The following YKT6 variants were observed in gnomAD, a reference collection of about 807,000 sequenced individuals.
The protein encoded by YKT6 is synaptobrevin homolog YKT6.
Under a neutral mutation model 29.3 loss-of-function variants are expected in YKT6, and 12 were observed. The observed-to-expected ratio is 0.41, with a 90% CI of 0.26 to 0.66. The LOEUF (loss-of-function observed/expected upper bound fraction) is 0.66, where lower values mean the gene tolerates loss of function less well. YKT6 is among the 30% of genes least tolerant of loss of function. YKT6 has a pLI of 0.32. For synonymous variants in YKT6, 86 were observed against 94.3 expected, an observed-to-expected ratio of 0.91 and a Z score of 0.51; for missense variants, 188 against 243.8, an observed-to-expected ratio of 0.77 and a Z score of 1.52.
intron 5 of YKT6, among the ~76,000 whole-genome samples, chr7:44,208,911 A>G (rs986725242): frequency 6.6e-6 from 1 of 152,144 alleles, no homozygotes; most frequent in African/African-American, 2.4e-5. Flanking sequence ...AGCAGCTCTC[A>G]GATCCGCCCC....
intron 1 of YKT6, among the ~76,000 whole-genome samples, chr7:44,202,915 G>C (rs1321039546): frequency 6.6e-6 from 1 of 152,106 alleles, no homozygotes; most frequent in Admixed American, 6.5e-5. Flanking sequence ...ACTTGGCTCT[G>C]ATTCTTTTTC....
At chr7:44,206,718 C>T (rs56298219) in intron 3 of YKT6, among the ~76,000 whole-genome samples, 7,438 of 152,204 alleles carry the variant, frequency 0.049, 218 homozygotes, top group Non-Finnish European at 0.064. Flanking sequence ...TGAGTCATAG[C>T]ATCTATTCTC....
In YKT6 at chr7:44,208,075, G is replaced by A. The variant is rs1583648199; in HGVS notation, c.394-58G>A. On this transcript the variant is annotated intron_variant, in intron 4 of 6. Coordinates refer to ENST00000223369, the MANE Select transcript of YKT6 (RefSeq NM_006555.4). ...GTTTGTCCAGCTTCCTCAGTTTTAG[G>A]TTTTGTTTGCAGGTAGCCACTCCAG... 3 of 1,575,666 alleles carry A rather than the reference G, an allele frequency of 1.9e-6. No homozygotes were observed. In the South Asian group the frequency reaches 3.4e-5, roughly 18 times the overall value.
chr7:44,204,676 C>T (rs2096339087), intron 2 of YKT6, 26 bp downstream of exon 2: 10 of 1,612,096 alleles, frequency 6.2e-6, no homozygotes, highest in South Asian at 4.4e-5. Flanking sequence ...AACTTCTGTG[C>T]GTGTGCTGGC....
intron 5 of YKT6, chr7:44,208,645 G>C (rs963097505): frequency 6.3e-6 from 1 of 158,108 alleles, no homozygotes; most frequent in Admixed American, 6.2e-5. Context: ...TCTGGAATAT[G>C]GGCCCAGGGT....
intron 5 of YKT6, among the ~76,000 whole-genome samples, chr7:44,209,272 A>G (rs2096344211): frequency 6.6e-6 from 1 of 152,194 alleles, no homozygotes; most frequent in South Asian, 2.1e-4. Context: ...GAGCCTGGGA[A>G]CCTGCATTTT....
chr7:44,207,675 C>G (rs2096342190), intron 4 of YKT6, among the ~76,000 whole-genome samples, 183 bp downstream of exon 4: 1 of 151,838 alleles, frequency 6.6e-6, no homozygotes, highest in Non-Finnish European at 1.5e-5. Flanking sequence ...AACCCAAGCT[C>G]TAGGCAGGCT....
rs527496713 is a variant in YKT6 at position 44,203,336 on chromosome 7, C to T, written c.105-1232C>T. ...CTCGAACTCCTGAGCTCAAGTGATC[C>T]GCCTGCCTTGGCCTCCCAAAGTGCT... On this transcript the variant is annotated intron_variant, in intron 1 of 6. Transcript: ENST00000223369. Among the ~76,000 whole-genome samples, 13 of 152,258 alleles carry T rather than the reference C, an allele frequency of 8.5e-5. No homozygotes were observed. The South Asian group carries it at 1.2e-3, about 15-fold the overall frequency.
At chr7:44,206,223 A>G (rs1335394750) in intron 2 of YKT6, among the ~76,000 whole-genome samples, 162 bp from the exon 3 acceptor site, 2 of 152,192 alleles carry the variant, frequency 1.3e-5, no homozygotes, top group East Asian at 1.9e-4. Context: ...TGTGTGGCCC[A>G]TTGGGCTGTG....
In YKT6 at chr7:44,211,371, C is replaced by T. The variant is rs373949343; in HGVS notation, c.561+247C>T. 4.9e-4 allele frequency among the ~76,000 whole-genome samples: 75 copies of T among 152,348 alleles called. 1 individual carries two copies. In the South Asian group the frequency reaches 0.015, roughly 30 times the overall value. On this transcript the variant is annotated intron_variant, in intron 6 of 6. Coordinates refer to ENST00000223369, the MANE Select transcript of YKT6 (RefSeq NM_006555.4). ...TCCACTCCTGCCTCTGCTCTGCCCT[C>T]TGCTGCTCTGGCTGATTTCTGAACT...
intron 1 of YKT6, among the ~76,000 whole-genome samples, chr7:44,203,698 C>A (rs979009888): frequency 6.6e-6 from 1 of 152,120 alleles, no homozygotes; most frequent in African/African-American, 2.4e-5. Flanking sequence ...CGTATTACCT[C>A]GTTTAACTGT....
chr7:44,205,018 C>T (rs2096339414), intron 2 of YKT6, among the ~76,000 whole-genome samples: 1 of 152,130 alleles, frequency 6.6e-6, no homozygotes. Context: ...ATTTTTTGAT[C>T]AGGAATCTGA....
At position 44,208,114 on chromosome 7, in the gene YKT6, A is replaced by G. The variant is rs763637793; in HGVS notation, c.394-19A>G. ...TAGCCACTCCAGTCCTGACTTTATTATTTTTCACTCTTTCCTAGAACCCAC... is the reference window on the plus strand; with the variant it reads ...TAGCCACTCCAGTCCTGACTTTATTGTTTTTCACTCTTTCCTAGAACCCAC... On this transcript the variant is annotated intron_variant, in intron 4 of 6. Transcript: ENST00000223369. 6.2e-7 allele frequency: 1 copy of G among 1,613,238 alleles called. No homozygotes were observed. The highest frequency in any genetic ancestry group is 1.1e-5 in the South Asian group (1 of 90,996).
In YKT6 at chr7:44,207,415, G is replaced by A. The variant is rs1438883980; in HGVS notation, c.316G>A (p.Asp106Asn). Residue 106 changes from aspartate to asparagine, a missense_variant, in exon 4 of 7, where the codon GAC (aspartate) becomes AAC (asparagine). Physicochemically the swap from Asp to Asn is conservative, Grantham distance 23. Around this residue, in one of 3 missense-constraint regions of YKT6, gnomAD observed 100 missense variants for 136.3 expected, o/e 0.73. Coordinates refer to ENST00000223369, the MANE Select transcript of YKT6 (RefSeq NM_006555.4). ...KVLDEFSKQV[D>N]RIDWPVGSPA... Reference sequence around the variant, plus strand: ...ACTAGATGAATTCTCCAAGCAAGTCGACAGGATAGACTGGCCAGTAGGATC... The same window carrying A: ...ACTAGATGAATTCTCCAAGCAAGTCAACAGGATAGACTGGCCAGTAGGATC... 10 of 1,614,006 alleles carry A rather than the reference G, an allele frequency of 6.2e-6. No individual in the cohort carries two copies. Among genetic ancestry groups the A allele is most frequent in the Middle Eastern group, 1.6e-4 (1 of 6,062 alleles).
At chr7:44,210,724 A>G (rs1020329520) in intron 5 of YKT6, 34 of 417,140 alleles carry the variant, frequency 8.2e-5, no homozygotes, top group East Asian at 1.4e-4. Context: ...ATGTGTGTGT[A>G]TATATATATA....
chr7:44,207,990 C>G, intron 4 of YKT6, 143 bp from the exon 5 acceptor site: 1 of 785,096 alleles, frequency 1.3e-6, no homozygotes, highest in Non-Finnish European at 2.1e-6. Context: ...TCCCAAAATG[C>G]TGGGATTACA....
intron 1 of YKT6, among the ~76,000 whole-genome samples, chr7:44,202,318 A>C (rs1413824585): frequency 2.6e-5 from 4 of 152,194 alleles, no homozygotes; most frequent in Admixed American, 1.3e-4. Flanking sequence ...TATCTTCACT[A>C]TCTTTAAGCG....
chr7:44,211,627 G>A, intron 6 of YKT6: 1 of 1,001,940 alleles, frequency 1.0e-6, no homozygotes, highest in Non-Finnish European at 1.2e-6. Flanking sequence ...GTCTTCCTAT[G>A]TGGAGATGGC....
chr7:44,206,157 A>G (rs1474884120), intron 2 of YKT6, among the ~76,000 whole-genome samples: 3 of 152,210 alleles, frequency 2.0e-5, no homozygotes, highest in Non-Finnish European at 4.4e-5. Flanking sequence ...CTGGCTTTGC[A>G]TACTGGGCCT....
Sources: allele counts gnomAD v4.1 joint callset (sites outside exome capture counted in the v4.1 genomes callset), GRCh38; gene constraint gnomAD v4.1.1; regional missense constraint gnomAD v4.1.1; transcripts MANE v1.5; gene names NCBI Gene and HGNC (gene_info 2026-07-23, HGNC 2026-07-21).